Variants in ZNF469 observed in about 807,000 individuals in gnomAD.
The protein encoded by ZNF469 is zinc finger protein 469.
In ZNF469, 1 loss-of-function variant was observed where a neutral mutation model predicts 1.0. That is an observed-to-expected ratio of 1.00 (90% confidence interval 0.35 to 4.73). ZNF469 has a LOEUF of 4.73. Among genes scored for constraint, ZNF469 ranks in the 30% most tolerant of loss-of-function variants. The pLI is 0.16. For missense variants in ZNF469, 6,100 were observed against 5,356.3 expected (o/e 1.14, Z -4.33); for synonymous variants, 2,703 against 2,363.4 (o/e 1.14, Z -4.17).
chr16:88,263,612 T>C, the ZNF469 span, among the ~76,000 whole-genome samples: 1 of 152,166 alleles, frequency 6.6e-6, no homozygotes, highest in Non-Finnish European at 1.5e-5. Flanking sequence ...GGGACTTTGC[T>C]GAGAGGCTCA....
At chr16:88,292,631 T>G in the ZNF469 span, among the ~76,000 whole-genome samples, 1 of 151,142 alleles carries the variant, frequency 6.6e-6, no homozygotes, top group African/African-American at 2.4e-5. Context: ...TCTTCTGGGG[T>G]GATGGTGGCC....
chr16:88,368,579 A>G, the ZNF469 span, among the ~76,000 whole-genome samples: 1 of 150,824 alleles, frequency 6.6e-6, no homozygotes. Flanking sequence ...GCCCTGGGAG[A>G]GTTTGTGGTC....
intron 1 of ZNF469, among the ~76,000 whole-genome samples, chr16:88,383,794 G>A: frequency 6.6e-6 from 1 of 152,134 alleles, no homozygotes; most frequent in Non-Finnish European, 1.5e-5. Flanking sequence ...CCCCGGACGG[G>A]GGTGGGAGCT....
Position 88,396,936 on chromosome 16 carries a change from A to C in ZNF469, c.-192+13682A>C, listed in dbSNP as rs1182386235. On this transcript the variant is annotated intron_variant, in intron 1 of 2. Coordinates refer to ENST00000565624, the MANE Select transcript of ZNF469 (RefSeq NM_001367624.2). ...GGAGGCCGGGAGGAGACCCGTCTGA[A>C]GGGAGGCCAGGAGGAGACCCTCATG... Among the ~76,000 whole-genome samples the C allele has an allele frequency of 2.0e-5, 3 of 147,964 alleles. No individual in the cohort carries two copies. The East Asian group carries it at 6.1e-4, about 30-fold the overall frequency.
chr16:88,103,885 G>A, the ZNF469 span, among the ~76,000 whole-genome samples: 152 of 145,638 alleles, frequency 1.0e-3, no homozygotes, highest in Non-Finnish European at 1.9e-3. Context: ...GGCACGAGGG[G>A]GCAGTGGAAT....
intron 1 of ZNF469, among the ~76,000 whole-genome samples, chr16:88,416,472 G>A (rs780881143): frequency 3.9e-5 from 6 of 152,130 alleles, no homozygotes; most frequent in East Asian, 1.9e-4. Context: ...ACTGTCACAC[G>A]TTGTGATCTT....
the ZNF469 span, among the ~76,000 whole-genome samples, chr16:88,250,283 C>T: frequency 6.6e-6 from 1 of 152,212 alleles, no homozygotes; most frequent in African/African-American, 2.4e-5. Context: ...CCTATTTGAA[C>T]TTTATATGAG....
chr16:88,278,618 C>T, the ZNF469 span, among the ~76,000 whole-genome samples: 164 of 134,642 alleles, frequency 1.2e-3, 16 homozygotes, highest in East Asian at 2.7e-4. Flanking sequence ...CGGTCAGTAC[C>T]GTGTAGATAT....
In ZNF469 at chr16:88,433,703, G is replaced by C. The variant is rs1390945519; in HGVS notation, c.6233G>C (p.Gly2078Ala). ...TTGACAGCAGCCCACAGCCGAAGTG[G>C]ATCTGAGGGCCGGACTCCAGAGAGG... is the stretch of plus-strand genomic sequence containing the variant. ...LALTAAHSRS[G>A]SEGRTPERAS... is the part of the protein sequence containing the mutation. The change falls in exon 3 of 3, where the codon GGA becomes GCA. Residue 2078 changes from glycine (G) to alanine (A), a missense_variant. Coordinates refer to ENST00000565624, the MANE Select transcript of ZNF469 (RefSeq NM_001367624.2). 1.3e-6 allele frequency: 2 copies of C among 1,549,304 alleles called. No individual in the cohort carries two copies. Among genetic ancestry groups the C allele is most frequent in the Non-Finnish European group, 1.7e-6 (2 of 1,146,712 alleles).
the ZNF469 span, among the ~76,000 whole-genome samples, chr16:88,364,489 CAAAAAAAAAAAAAAA>C: frequency 7.1e-5 from 4 of 56,160 alleles, no homozygotes; most frequent in East Asian, 1.1e-3. Flanking sequence ...TGTTGATTTC[CAAAAAAAAAAAAAAA>C]AAAAAAAAAA....
the ZNF469 span, among the ~76,000 whole-genome samples, chr16:88,260,228 A>G: frequency 1.3e-5 from 2 of 151,684 alleles, no homozygotes; most frequent in East Asian, 1.9e-4. This position sits in a 1 kb window ranked among gnomAD's most constrained non-coding sequence, Gnocchi z 4.1. Context: ...ACCTCAAATG[A>G]TCCTCCCACC....
chr16:88,389,286 A>C (rs1904418910), intron 1 of ZNF469, among the ~76,000 whole-genome samples: 1 of 152,184 alleles, frequency 6.6e-6, no homozygotes, highest in Non-Finnish European at 1.5e-5. Flanking sequence ...TGGCTCTGTC[A>C]CTCAGCGTCA....
chr16:88,250,027 T>C, the ZNF469 span, among the ~76,000 whole-genome samples: 3 of 152,278 alleles, frequency 2.0e-5, no homozygotes, highest in Admixed American at 6.5e-5. Context: ...CATTATTCTC[T>C]GTCTATCCCT....
In ZNF469 at chr16:88,434,663, G is replaced by A. The variant is rs1304414350; in HGVS notation, c.7193G>A (p.Cys2398Tyr). Reference sequence around the variant, plus strand: ...GCTACCAAGATGCCCAGGGTCACCTGCCCTTCCACAGGACTGGGCTTGGGA... The same window carrying A: ...GCTACCAAGATGCCCAGGGTCACCTACCCTTCCACAGGACTGGGCTTGGGA... ...SGATKMPRVT[C>Y]PSTGLGLGRT... Residue 2398 changes from cysteine to tyrosine, a missense_variant, in exon 3 of 3, where the codon TGC becomes TAC. Cys to Tyr is a radical substitution (Grantham distance 194, BLOSUM62 -2). Transcript: ENST00000565624. 3.2e-6 allele frequency: 5 copies of A among 1,550,298 alleles called. No homozygotes were observed. Among genetic ancestry groups the A allele is most frequent in the Non-Finnish European group, 4.4e-6 (5 of 1,146,922 alleles).
the ZNF469 span, among the ~76,000 whole-genome samples, chr16:88,126,188 CAAAAAA>C: frequency 6.8e-5 from 4 of 59,038 alleles, no homozygotes; most frequent in South Asian, 8.5e-4. Flanking sequence ...GACTCCATCC[CAAAAAA>C]AAAAAAAAAA....
the ZNF469 span, among the ~76,000 whole-genome samples, chr16:88,366,163 A>G: frequency 2.1e-5 from 3 of 145,098 alleles, no homozygotes; most frequent in Non-Finnish European, 4.6e-5. Context: ...CATCATCACC[A>G]TCATCACCAC....
chr16:88,362,231 T>C, the ZNF469 span, among the ~76,000 whole-genome samples: 3 of 152,224 alleles, frequency 2.0e-5, no homozygotes, highest in Admixed American at 2.0e-4. Flanking sequence ...TCCAATGGTA[T>C]ACAATTGTAA....
At chr16:88,260,876 G>T in the ZNF469 span, among the ~76,000 whole-genome samples, 1 of 152,170 alleles carries the variant, frequency 6.6e-6, no homozygotes, top group African/African-American at 2.4e-5. The surrounding 1 kb of genome is among the most constrained non-coding windows in gnomAD (Gnocchi z 4.1). Context: ...CGATAAGAGG[G>T]AACAGAAAGA....
At chr16:88,344,831 CCCCAAACCA>C in the ZNF469 span, among the ~76,000 whole-genome samples, 2 of 152,238 alleles carry the variant, frequency 1.3e-5, no homozygotes, top group Non-Finnish European at 2.9e-5. Context: ...CGAGTCTCCT[CCCCAAACCA>C]CCACATTGGC....
Sources: gnomAD v4.1 joint callset for allele counts (sites outside exome capture counted in the v4.1 genomes callset) on GRCh38, gnomAD v4.1.1 for gene constraint, Gnocchi (gnomAD v3.1) non-coding constraint, MANE v1.5 for transcripts, NCBI Gene and HGNC (gene_info 2026-07-23, HGNC 2026-07-21) for gene names.